ZNF385D: variants seen among roughly 807,000 people sequenced by gnomAD.
ZNF385D encodes zinc finger protein 659.
ZNF385D carries 15 observed loss-of-function variants against 35.8 expected under a neutral mutation model. That is an observed-to-expected ratio of 0.42 (90% CI 0.28 to 0.64). The LOEUF (loss-of-function observed/expected upper bound fraction) is 0.64, where lower values mean the gene tolerates loss of function less well. Ranked by LOEUF, ZNF385D falls within the 30% of genes least tolerant of loss-of-function variation. The probability of loss-of-function intolerance (pLI) is 0.23; values close to 1 mark genes in which losing one functional copy is unlikely to be tolerated. For synonymous variants in ZNF385D, 212 were observed against 186.8 expected (o/e 1.13, Z -1.10); for missense variants, 474 against 494.6 (o/e 0.96, Z 0.39).
At chr3:22,136,386 TA>T (rs34116818) in intron 3 of ZNF385D, among the ~76,000 whole-genome samples, 105 of 146,496 alleles carry the variant, frequency 7.2e-4, no homozygotes, top group African/African-American at 9.8e-4. Flanking sequence ...AGACTTTGTC[TA>T]AAAAAAAAAA....
intron 3 of ZNF385D, among the ~76,000 whole-genome samples, chr3:21,548,880 GA>G (rs1310611657): frequency 6.6e-6 from 1 of 152,102 alleles, no homozygotes; most frequent in Non-Finnish European, 1.5e-5. Context: ...TATTGCCCTT[GA>G]AAAAGTCAAC....
chr3:21,621,234 A>G (rs775564406), intron 2 of ZNF385D, among the ~76,000 whole-genome samples: 3 of 152,166 alleles, frequency 2.0e-5, no homozygotes, highest in Non-Finnish European at 4.4e-5. Context: ...TAATGATGCA[A>G]AAAATTACAT....
At chr3:22,071,219 T>C (rs544524528) in intron 3 of ZNF385D, among the ~76,000 whole-genome samples, 7 of 152,284 alleles carry the variant, frequency 4.6e-5, no homozygotes, top group Non-Finnish European at 7.4e-5. Context: ...ATATTTGACA[T>C]ACAAATAATA....
chr3:22,293,267 A>G (rs1166731408), intron 2 of ZNF385D, among the ~76,000 whole-genome samples: 1 of 152,224 alleles, frequency 6.6e-6, no homozygotes, highest in East Asian at 1.9e-4. Context: ...AGTCAGAAAT[A>G]TATTGGAAAC....
At chr3:21,719,653 CTT>C (rs1278470083) in intron 1 of ZNF385D, among the ~76,000 whole-genome samples, 1 of 152,178 alleles carries the variant, frequency 6.6e-6, no homozygotes, top group Non-Finnish European at 1.5e-5. Context: ...CCAAAACATG[CTT>C]ATTCTTTCCA....
intron 2 of ZNF385D, among the ~76,000 whole-genome samples, chr3:21,654,098 T>A (rs1057279224): frequency 2.7e-5 from 4 of 149,242 alleles, no homozygotes; most frequent in Non-Finnish European, 4.5e-5. Context: ...ACCTTCCATT[T>A]AAAAAAAAAA....
intron 3 of ZNF385D, among the ~76,000 whole-genome samples, chr3:22,049,164 G>A (rs907400500): frequency 6.6e-6 from 1 of 151,940 alleles, no homozygotes; most frequent in African/African-American, 2.4e-5. Context: ...GGGCATGGTG[G>A]TGGGCACCTG....
chr3:21,525,502 T>C (rs1380859565), intron 3 of ZNF385D, among the ~76,000 whole-genome samples: 2 of 151,816 alleles, frequency 1.3e-5, no homozygotes, highest in African/African-American at 4.8e-5. Flanking sequence ...AGCCTCAACA[T>C]GGAGAAACCC....
At chr3:21,889,937 C>CCG (rs1211446938) in intron 3 of ZNF385D, among the ~76,000 whole-genome samples, 8 of 140,694 alleles carry the variant, frequency 5.7e-5, no homozygotes, top group Admixed American at 1.4e-4. Context: ...CATAGCATCT[C>CCG]TGTGTGTGCC....
At chr3:21,448,965 A>T (rs547329351) in intron 4 of ZNF385D, among the ~76,000 whole-genome samples, 81 of 152,266 alleles carry the variant, frequency 5.3e-4, no homozygotes, top group Admixed American at 1.5e-3. Context: ...TTAAACATTT[A>T]AAAAAGTCGA....
intron 3 of ZNF385D, among the ~76,000 whole-genome samples, chr3:21,832,170 G>A (rs1253612770): frequency 6.6e-6 from 1 of 151,898 alleles, no homozygotes; most frequent in Non-Finnish European, 1.5e-5. Context: ...TACTCACTAT[G>A]TTAATAAACT....
intron 4 of ZNF385D, among the ~76,000 whole-genome samples, chr3:21,437,947 C>T (rs529927557): frequency 5.3e-4 from 80 of 152,172 alleles, no homozygotes; most frequent in Middle Eastern, 3.4e-3. Context: ...ACAAGGAATT[C>T]GCAGGATGGC....
chr3:22,363,684 C>CA (rs1696521319), intron 2 of ZNF385D, among the ~76,000 whole-genome samples: 1 of 152,002 alleles, frequency 6.6e-6, no homozygotes, highest in South Asian at 2.1e-4. Flanking sequence ...AATTGGTGGA[C>CA]CAAGTCTGGT....
chr3:22,066,719 G>A (rs1481059121), intron 3 of ZNF385D, among the ~76,000 whole-genome samples: 1 of 152,118 alleles, frequency 6.6e-6, no homozygotes, highest in South Asian at 2.1e-4. Context: ...CTGCTAAGAA[G>A]ATAAGTGATG....
upstream of ZNF385D, among the ~76,000 whole-genome samples, chr3:21,755,790 T>C (rs550874634): frequency 6.6e-6 from 1 of 152,330 alleles, no homozygotes; most frequent in Admixed American, 6.5e-5. Flanking sequence ...CATTTTTGAA[T>C]AAATTTAACA....
intron 3 of ZNF385D, among the ~76,000 whole-genome samples, chr3:22,102,411 C>A (rs527494730): frequency 1.3e-5 from 2 of 152,006 alleles, no homozygotes; most frequent in Non-Finnish European, 2.9e-5. Flanking sequence ...TGAATCCCTG[C>A]AGTTTGAGAC....
At chr3:21,988,653 C>A (rs945228030) in intron 3 of ZNF385D, among the ~76,000 whole-genome samples, 1 of 151,606 alleles carries the variant, frequency 6.6e-6, no homozygotes, top group South Asian at 2.1e-4. Context: ...AGAGGTGGAG[C>A]CTACAGAGGC....
rs892586731 is a variant in ZNF385D at position 22,372,546 on chromosome 3, G to A, written c.10C>T (p.Pro4Ser). The change falls in exon 2 of 6, where the codon CCA (proline) becomes TCA (serine). Residue 4 changes from proline to serine, a missense_variant. Physicochemically the swap from Pro to Ser is moderately conservative, Grantham distance 74. Coordinates refer to the ZNF385D transcript ENST00000494108. Reference sequence around the variant, plus strand: ...CTGCTGGCGGCCGCCCGGCGCCCTGGCCCTGGCATCCGGGAGGAGCAGCCG... The same window carrying A: ...CTGCTGGCGGCCGCCCGGCGCCCTGACCCTGGCATCCGGGAGGAGCAGCCG... The A allele has an allele frequency of 2.5e-5, 25 of 985,742 alleles. No homozygotes were observed. In the South Asian group the frequency reaches 8.0e-4, roughly 31 times the overall value. 61.1% of individuals were successfully genotyped at this position (985,742 alleles called of 1,614,324 possible). A position where few individuals can be genotyped will look rare whatever the true frequency, so the allele number is the denominator to read the frequency against.
intron 3 of ZNF385D, among the ~76,000 whole-genome samples, chr3:21,810,951 C>G (rs887865950): frequency 1.4e-5 from 2 of 143,202 alleles, no homozygotes; most frequent in Non-Finnish European, 3.0e-5. Context: ...ATCACACACA[C>G]ACACATATGT....
Sources: allele counts gnomAD v4.1 joint callset (sites outside exome capture counted in the v4.1 genomes callset), GRCh38; gene constraint gnomAD v4.1.1; transcripts MANE v1.5; gene names NCBI Gene and HGNC (gene_info 2026-07-23, HGNC 2026-07-21).